Variants in PTPRR observed in about 807,000 individuals in gnomAD.
The protein encoded by PTPRR is receptor-type tyrosine-protein phosphatase R.
In PTPRR, 38 loss-of-function variants were observed where a neutral mutation model predicts 77.2. That is an observed-to-expected ratio of 0.49 (90% CI 0.38 to 0.65). The LOEUF (loss-of-function observed/expected upper bound fraction) is 0.65. PTPRR is among the 30% of genes least tolerant of loss of function. The probability of loss-of-function intolerance (pLI) is 0.00; values close to 1 mark genes in which losing one functional copy is unlikely to be tolerated. For missense variants in PTPRR, 744 were observed against 799.2 expected, an observed-to-expected ratio of 0.93 and a Z score of 0.83; for synonymous variants, 299 against 283.1, an observed-to-expected ratio of 1.06 and a Z score of -0.57.
intron 10 of PTPRR, among the ~76,000 whole-genome samples, chr12:70,683,223 G>A (rs553276568): frequency 6.6e-6 from 1 of 152,150 alleles, no homozygotes; most frequent in African/African-American, 2.4e-5. Flanking sequence ...TGAAGCTCTG[G>A]TACAATATTT....
chr12:70,801,286 C>A (rs577925361), intron 2 of PTPRR, among the ~76,000 whole-genome samples: 1 of 152,204 alleles, frequency 6.6e-6, no homozygotes, highest in South Asian at 2.1e-4. Flanking sequence ...TATGGGGTAC[C>A]AGATATGGGG....
At chr12:70,713,802 A>G (rs1204300158) in intron 6 of PTPRR, among the ~76,000 whole-genome samples, 1 of 152,178 alleles carries the variant, frequency 6.6e-6, no homozygotes, top group Non-Finnish European at 1.5e-5. Flanking sequence ...GACCCTTATT[A>G]CATATATGCC....
chr12:70,753,176 T>A (rs973202086), intron 5 of PTPRR, among the ~76,000 whole-genome samples: 2 of 152,184 alleles, frequency 1.3e-5, no homozygotes, highest in African/African-American at 4.8e-5. Context: ...TTGTTTTATA[T>A]CCTCTAAGTT....
intron 8 of PTPRR, among the ~76,000 whole-genome samples, chr12:70,694,912 A>C (rs1321209638): frequency 6.6e-6 from 1 of 152,192 alleles, no homozygotes; most frequent in African/African-American, 2.4e-5. Context: ...TTGTCTGCTA[A>C]TAATTTTCTA....
At chr12:70,656,311 C>T (rs1371943119) in intron 13 of PTPRR, among the ~76,000 whole-genome samples, 1 of 152,166 alleles carries the variant, frequency 6.6e-6, no homozygotes, top group Non-Finnish European at 1.5e-5. Flanking sequence ...GGGAGATTCA[C>T]TTGTGGTCAG....
At chr12:70,739,625 T>C (rs928392050) in intron 6 of PTPRR, among the ~76,000 whole-genome samples, 1 of 152,242 alleles carries the variant, frequency 6.6e-6, no homozygotes, top group Non-Finnish European at 1.5e-5. Context: ...TGTCATCTGC[T>C]GAAAACACAA....
intron 2 of PTPRR, among the ~76,000 whole-genome samples, chr12:70,807,931 G>A (rs1891739811): frequency 6.6e-6 from 1 of 152,138 alleles, no homozygotes; most frequent in African/African-American, 2.4e-5. Context: ...GGGAACAAAG[G>A]AGATAAGCTT....
At chr12:70,760,992 T>C (rs1890677600) in intron 4 of PTPRR, among the ~76,000 whole-genome samples, 1 of 152,158 alleles carries the variant, frequency 6.6e-6, no homozygotes, top group Non-Finnish European at 1.5e-5. Context: ...AAAACTATAG[T>C]TTCTTCAGAA....
intron 13 of PTPRR, among the ~76,000 whole-genome samples, chr12:70,648,265 A>T (rs1021285189): frequency 2.0e-5 from 3 of 152,126 alleles, no homozygotes; most frequent in Non-Finnish European, 4.4e-5. Flanking sequence ...TTTTCCTAGG[A>T]GATGTTTGGC....
intron 2 of PTPRR, among the ~76,000 whole-genome samples, chr12:70,837,490 T>C (rs1405445841): frequency 3.9e-5 from 6 of 152,068 alleles, no homozygotes; most frequent in Admixed American, 3.9e-4. Context: ...GGGGTTGTCC[T>C]CCACACATCA....
intron 2 of PTPRR, among the ~76,000 whole-genome samples, chr12:70,852,225 G>C (rs568661258): frequency 6.6e-6 from 1 of 152,122 alleles, no homozygotes; most frequent in East Asian, 1.9e-4. Context: ...AAGATGTAAA[G>C]GGTTGGAAAA....
At chr12:70,664,156 T>A (rs528719447) in intron 10 of PTPRR, among the ~76,000 whole-genome samples, 92 of 152,322 alleles carry the variant, frequency 6.0e-4, no homozygotes, top group African/African-American at 2.1e-3. Flanking sequence ...GTTTCAGCTT[T>A]ATTTACATGC....
intron 4 of PTPRR, among the ~76,000 whole-genome samples, chr12:70,758,902 A>G (rs1255677559): frequency 6.6e-6 from 1 of 151,952 alleles, no homozygotes; most frequent in Non-Finnish European, 1.5e-5. Context: ...GGCTTTAGAT[A>G]TTAGCTAGCA....
At chr12:70,818,028 A>G (rs187424048) in intron 2 of PTPRR, among the ~76,000 whole-genome samples, 6 of 152,250 alleles carry the variant, frequency 3.9e-5, no homozygotes, top group Admixed American at 3.3e-4. Flanking sequence ...CCTGACCAAC[A>G]TGGTGAAACC....
In PTPRR at chr12:70,828,797, C is replaced by G. The variant is rs74885092; in HGVS notation, c.357+63882G>C. Among the ~76,000 whole-genome samples, 643 of 152,292 alleles carry G rather than the reference C, an allele frequency of 4.2e-3. 5 individuals carry two copies. The highest frequency in any genetic ancestry group is 0.015 in the African/African-American group (615 of 41,568). The stretch of plus-strand genomic sequence containing the variant: ...CTTGTTATAAATTTCTCAGAATAAA[C>G]CACTTAATGTTGATAGTGTCGTGTG... On this transcript the variant is annotated intron_variant, in intron 2 of 13. Transcript: ENST00000283228.
At chr12:70,831,043 C>T (rs1252114421) in intron 2 of PTPRR, among the ~76,000 whole-genome samples, 1 of 152,136 alleles carries the variant, frequency 6.6e-6, no homozygotes, top group African/African-American at 2.4e-5. Context: ...GACAACTCAA[C>T]ACAAGAAGGA....
chr12:70,908,261 A>G (rs1238075183), intron 1 of PTPRR, among the ~76,000 whole-genome samples: 1 of 152,218 alleles, frequency 6.6e-6, no homozygotes, highest in Non-Finnish European at 1.5e-5. Context: ...TACTACAGAG[A>G]CATTAATGCT....
chr12:70,788,851 G>A lies in PTPRR; in HGVS notation c.358-24073C>T, dbSNP rs142430865. On this transcript the variant is annotated intron_variant, in intron 2 of 13. Transcript: ENST00000283228. The stretch of plus-strand genomic sequence containing the variant: ...ATTGACTGCATGTTGTGATGAAGTC[G>A]ACTTCCATTTGCACTCTTCTTTGTG... 379 of 1,524,322 alleles carry A rather than the reference G, an allele frequency of 2.5e-4. 1 individual carries two copies. Among genetic ancestry groups the A allele is most frequent in the Non-Finnish European group, 3.0e-4 (346 of 1,142,482 alleles). 94.4% of individuals were successfully genotyped at this position (1,524,322 alleles called of 1,614,324 possible). A position where few individuals can be genotyped will look rare whatever the true frequency, so the allele number is the denominator to read the frequency against.
intron 8 of PTPRR, among the ~76,000 whole-genome samples, chr12:70,687,092 T>C (rs1000302155): frequency 1.3e-5 from 2 of 152,002 alleles, no homozygotes; most frequent in African/African-American, 4.8e-5. Context: ...ATTATTACAA[T>C]TCTATAACGT....
Sources: gnomAD v4.1 joint callset for allele counts (sites outside exome capture counted in the v4.1 genomes callset) on GRCh38, gnomAD v4.1.1 for gene constraint, MANE v1.5 for transcripts, NCBI Gene and HGNC (gene_info 2026-07-23, HGNC 2026-07-21) for gene names.